Variants in CLVS1 observed in about 807,000 individuals in gnomAD.
The protein encoded by CLVS1 is clavesin 1.
CLVS1 carries 10 observed loss-of-function variants against 33.1 expected under a neutral mutation model. The observed-to-expected ratio is 0.30, with a 90% confidence interval of 0.19 to 0.51. The LOEUF is 0.51. Among genes scored for constraint, CLVS1 ranks in the 20% least tolerant of loss-of-function variants. CLVS1 has a pLI of 0.97. For synonymous variants in CLVS1, 163 were observed against 166.1 expected, an observed-to-expected ratio of 0.98 and a Z score of 0.14; for missense variants, 343 against 433.4, an observed-to-expected ratio of 0.79 and a Z score of 1.85.
intron 2 of CLVS1, among the ~76,000 whole-genome samples, chr8:61,345,470 C>G (rs550162430): frequency 2.0e-4 from 30 of 152,134 alleles, no homozygotes; most frequent in African/African-American, 7.2e-4. Context: ...CAGAGGACAC[C>G]CTTTTCTAAA....
chr8:61,130,643 A>G (rs1340742427), intron 1 of CLVS1, among the ~76,000 whole-genome samples: 1 of 152,230 alleles, frequency 6.6e-6, no homozygotes, highest in Non-Finnish European at 1.5e-5. Context: ...AATTTAGTTA[A>G]AAGGCATATA....
the CLVS1 span, among the ~76,000 whole-genome samples, chr8:60,993,897 GT>G: frequency 1.3e-5 from 2 of 152,296 alleles, no homozygotes; most frequent in South Asian, 4.1e-4. Context: ...CAGAAGATGT[GT>G]TTTTATTCTT....
intron 2 of CLVS1, among the ~76,000 whole-genome samples, chr8:61,204,911 G>A (rs1452422081): frequency 6.6e-6 from 1 of 152,222 alleles, no homozygotes; most frequent in East Asian, 1.9e-4. Context: ...ATTTGAGGAT[G>A]TATGTGTTTC....
At chr8:61,350,666 T>C (rs1234337970) in intron 2 of CLVS1, among the ~76,000 whole-genome samples, 2 of 152,138 alleles carry the variant, frequency 1.3e-5, no homozygotes, top group East Asian at 1.9e-4. Flanking sequence ...TATGTCTTTG[T>C]GCATGTGCCC....
intron 2 of CLVS1, among the ~76,000 whole-genome samples, chr8:61,368,351 G>A (rs1813298985): frequency 6.6e-6 from 1 of 152,246 alleles, no homozygotes; most frequent in Non-Finnish European, 1.5e-5. Context: ...AGATGGATAG[G>A]CCTGCCAGGA....
the CLVS1 span, among the ~76,000 whole-genome samples, chr8:60,989,249 C>T: frequency 6.6e-6 from 1 of 152,082 alleles, no homozygotes; most frequent in Non-Finnish European, 1.5e-5. Context: ...GGCGTGATCT[C>T]GGCTCACTGC....
the CLVS1 span, chr8:60,967,748 G>A: frequency 4.4e-6 from 2 of 453,044 alleles, no homozygotes; most frequent in Non-Finnish European, 8.9e-6. Context: ...GGAAGCATCT[G>A]CCACCACCGG....
At chr8:61,358,807 G>A (rs1296140841) in intron 2 of CLVS1, among the ~76,000 whole-genome samples, 1 of 152,162 alleles carries the variant, frequency 6.6e-6, no homozygotes, top group Non-Finnish European at 1.5e-5. Context: ...ATAGATTTAA[G>A]TTGTCCACCC....
At chr8:61,353,289 C>G (rs1009725237) in intron 2 of CLVS1, among the ~76,000 whole-genome samples, 1 of 151,866 alleles carries the variant, frequency 6.6e-6, no homozygotes, top group Non-Finnish European at 1.5e-5. Context: ...ATAGACTGTA[C>G]CTGAAGTCAT....
chr8:61,092,979 A>G (rs933155853), intron 1 of CLVS1, among the ~76,000 whole-genome samples: 68 of 152,196 alleles, frequency 4.5e-4, no homozygotes, highest in African/African-American at 1.4e-3. Context: ...CCCAGACAAC[A>G]TGGGGGAGGA....
intron 2 of CLVS1, among the ~76,000 whole-genome samples, chr8:61,146,375 G>A (rs906810664): frequency 6.6e-6 from 1 of 152,162 alleles, no homozygotes; most frequent in African/African-American, 2.4e-5. Context: ...GGAGGAAGGG[G>A]TTCCAATTGA....
chr8:61,332,968 A>G (rs1811657295), intron 2 of CLVS1, among the ~76,000 whole-genome samples: 1 of 152,208 alleles, frequency 6.6e-6, no homozygotes, highest in Admixed American at 6.5e-5. Flanking sequence ...ATCTTCATGT[A>G]TAAAGAGAAT....
At chr8:61,212,333 GAC>G (rs1489945075) in intron 2 of CLVS1, among the ~76,000 whole-genome samples, 1 of 152,160 alleles carries the variant, frequency 6.6e-6, no homozygotes, top group Non-Finnish European at 1.5e-5. Flanking sequence ...GGTGGCGGGG[GAC>G]ATTTCAGAGA....
chr8:60,975,185 T>C, the CLVS1 span, among the ~76,000 whole-genome samples: 141 of 152,292 alleles, frequency 9.3e-4, no homozygotes, highest in African/African-American at 3.0e-3. Context: ...ATTTAGAACC[T>C]GTGTCTGATT....
chr8:61,351,316 AGGTTCAAT>A (rs1195715584), intron 2 of CLVS1, among the ~76,000 whole-genome samples: 3 of 152,172 alleles, frequency 2.0e-5, no homozygotes, highest in African/African-American at 7.2e-5. Flanking sequence ...TTGAAATGAT[AGGTTCAAT>A]AATAGAGTGG....
At chr8:61,000,241 G>T in the CLVS1 span, among the ~76,000 whole-genome samples, 1 of 152,228 alleles carries the variant, frequency 6.6e-6, no homozygotes, top group African/African-American at 2.4e-5. Context: ...TCTAACTGAA[G>T]AGAGGGCAAG....
intron 2 of CLVS1, among the ~76,000 whole-genome samples, chr8:61,172,186 G>A (rs900394842): frequency 2.0e-5 from 3 of 152,060 alleles, no homozygotes; most frequent in African/African-American, 4.8e-5. Flanking sequence ...TCTATGTTAC[G>A]TATTCTTCCA....
intron 1 of CLVS1, among the ~76,000 whole-genome samples, chr8:61,125,534 C>G (rs967433364): frequency 6.6e-6 from 1 of 152,184 alleles, no homozygotes; most frequent in African/African-American, 2.4e-5. Context: ...ATTGGTGATT[C>G]CCAACACCTT....
intron 3 of CLVS1, among the ~76,000 whole-genome samples, chr8:61,396,990 T>C (rs1349082759): frequency 6.6e-6 from 1 of 152,218 alleles, no homozygotes; most frequent in East Asian, 1.9e-4. Flanking sequence ...AATCCTGCTA[T>C]GTACATCCCT....
Sources: allele counts gnomAD v4.1 joint callset (sites outside exome capture counted in the v4.1 genomes callset), GRCh38; gene constraint gnomAD v4.1.1; transcripts MANE v1.5; gene names NCBI Gene and HGNC (gene_info 2026-07-23, HGNC 2026-07-21).